PHF24: variants seen among roughly 807,000 people sequenced by gnomAD.
PHF24 encodes PHD finger protein 24, also known as Galpha inhibitory interacting protein.
Under a neutral mutation model 42.6 loss-of-function variants are expected in PHF24, and 25 were observed. The observed-to-expected ratio is 0.59, with a 90% CI of 0.43 to 0.82. PHF24 has a LOEUF of 0.82. Ranked by LOEUF, PHF24 falls within the 40% of genes least tolerant of loss-of-function variation. The pLI is 0.00. For synonymous variants in PHF24, 185 were observed against 204.8 expected, an observed-to-expected ratio of 0.90 and a Z score of 0.83; for missense variants, 470 against 538.1, an observed-to-expected ratio of 0.87 and a Z score of 1.25.
At chr9:34,931,375 C>CCAA in the PHF24 span, among the ~76,000 whole-genome samples, 161 of 82,926 alleles carry the variant, frequency 1.9e-3, 1 homozygote, top group African/African-American at 7.7e-3. Flanking sequence ...GACTCTGTAT[C>CCAA]AAAAAAAAAA....
chr9:34,789,515 G>A, the PHF24 span, among the ~76,000 whole-genome samples: 1 of 152,184 alleles, frequency 6.6e-6, no homozygotes, highest in South Asian at 2.1e-4. Context: ...GGGCTTTGAT[G>A]TTTAAGGCAG....
chr9:34,954,808 A>G (rs970402655), upstream of PHF24, among the ~76,000 whole-genome samples: 2 of 152,202 alleles, frequency 1.3e-5, no homozygotes, highest in Non-Finnish European at 1.5e-5. Context: ...AAAAACACAT[A>G]TAGTGCATTG....
At chr9:34,712,817 T>G in the PHF24 span, among the ~76,000 whole-genome samples, 7 of 152,184 alleles carry the variant, frequency 4.6e-5, no homozygotes, top group Non-Finnish European at 1.0e-4. Context: ...GTATTTGAGA[T>G]TTCAGCTTCT....
chr9:34,779,119 A>C, the PHF24 span, among the ~76,000 whole-genome samples: 1 of 152,276 alleles, frequency 6.6e-6, no homozygotes, highest in South Asian at 2.1e-4. Context: ...AGGGAGTTAT[A>C]GTGATAAACA....
the PHF24 span, among the ~76,000 whole-genome samples, chr9:34,682,059 C>G: frequency 6.6e-6 from 1 of 152,070 alleles, no homozygotes; most frequent in African/African-American, 2.4e-5. Flanking sequence ...ACTGCAGTCT[C>G]AACCTCCCAG....
At chr9:34,743,427 T>C in the PHF24 span, among the ~76,000 whole-genome samples, 2 of 152,208 alleles carry the variant, frequency 1.3e-5, no homozygotes, top group African/African-American at 4.8e-5. Flanking sequence ...TTTACAAACA[T>C]AGTAAACCCT....
At chr9:34,873,823 C>A in the PHF24 span, among the ~76,000 whole-genome samples, 1 of 151,068 alleles carries the variant, frequency 6.6e-6, no homozygotes, top group Non-Finnish European at 1.5e-5. Flanking sequence ...GATATTGATT[C>A]TTCCTACCCA....
chr9:34,711,834 C>T, the PHF24 span, among the ~76,000 whole-genome samples: 6 of 152,190 alleles, frequency 3.9e-5, no homozygotes, highest in African/African-American at 7.2e-5. Flanking sequence ...TGAGCCACTG[C>T]GCCCAGCCTG....
chr9:34,897,988 T>C, the PHF24 span, among the ~76,000 whole-genome samples: 1 of 152,262 alleles, frequency 6.6e-6, no homozygotes. Context: ...TCCAGGTCGC[T>C]GCAAATGCTG....
chr9:34,718,807 T>C, the PHF24 span, among the ~76,000 whole-genome samples: 7,546 of 152,300 alleles, frequency 0.05, 358 homozygotes, highest in African/African-American at 0.12. Flanking sequence ...ACACAAGTTA[T>C]GTTGTGGAGA....
chr9:34,772,742 G>T, the PHF24 span, among the ~76,000 whole-genome samples: 1 of 152,164 alleles, frequency 6.6e-6, no homozygotes, highest in Non-Finnish European at 1.5e-5. Flanking sequence ...GTGGGAATTT[G>T]CAGATGAGCA....
the PHF24 span, among the ~76,000 whole-genome samples, chr9:34,755,082 G>A: frequency 9.2e-5 from 14 of 152,134 alleles, no homozygotes; most frequent in East Asian, 2.3e-3. Context: ...GGGTTGGGGG[G>A]AAGTAGGATT....
the PHF24 span, chr9:34,832,488 C>T: frequency 6.6e-7 from 1 of 1,511,430 alleles, no homozygotes; most frequent in Non-Finnish European, 8.9e-7. Flanking sequence ...GGCCTTGGAG[C>T]ACCCTGTCGG....
chr9:34,685,476 C>G, the PHF24 span, among the ~76,000 whole-genome samples: 1 of 152,134 alleles, frequency 6.6e-6, no homozygotes, highest in African/African-American at 2.4e-5. Flanking sequence ...GTGTTAGGAC[C>G]CCACCTTTGG....
the PHF24 span, among the ~76,000 whole-genome samples, chr9:34,840,944 A>G: frequency 2.0e-5 from 3 of 152,052 alleles, no homozygotes; most frequent in African/African-American, 4.8e-5. Flanking sequence ...TGCATTTTCA[A>G]TGTTTATATT....
exon 8 of PHF24, chr9:34,978,721 T>C (rs1785894823): frequency 6.6e-6 from 1 of 151,892 alleles, no homozygotes; most frequent in African/African-American, 2.4e-5. Flanking sequence ...GGGAAAAGAG[T>C]TAAACATCAC....
At chr9:34,680,244 G>A in the PHF24 span, among the ~76,000 whole-genome samples, 4 of 152,164 alleles carry the variant, frequency 2.6e-5, no homozygotes, top group East Asian at 7.7e-4. Context: ...GCATGGTGGG[G>A]GGTGCCTGAA....
chr9:34,677,884 C>T, the PHF24 span, among the ~76,000 whole-genome samples: 3 of 152,148 alleles, frequency 2.0e-5, no homozygotes, highest in Non-Finnish European at 4.4e-5. Flanking sequence ...GGTCATTCCT[C>T]CTTGAATGGC....
chr9:34,728,691 C>T, the PHF24 span: 1 of 1,545,996 alleles, frequency 6.5e-7, no homozygotes, highest in Non-Finnish European at 8.8e-7. Context: ...GAAGCTGGGA[C>T]ACCATTTTCT....
Sources: gnomAD v4.1 joint callset for allele counts (sites outside exome capture counted in the v4.1 genomes callset) on GRCh38, gnomAD v4.1.1 for gene constraint, MANE v1.5 for transcripts, NCBI Gene and HGNC (gene_info 2026-07-23, HGNC 2026-07-21) for gene names.